The following DGKI variants were observed in gnomAD, a reference collection of about 807,000 sequenced individuals.
The protein encoded by DGKI is diacylglycerol kinase iota.
DGKI carries 55 observed loss-of-function variants against 147.5 expected under a neutral mutation model. That is an observed-to-expected ratio of 0.37 (90% CI 0.30 to 0.47). The LOEUF (loss-of-function observed/expected upper bound fraction) is 0.47. Among genes scored for constraint, DGKI ranks in the 20% least tolerant of loss-of-function variants. DGKI has a pLI of 1.00. For synonymous variants in DGKI, 469 were observed against 477.1 expected (o/e 0.98, Z 0.22); for missense variants, 1,007 against 1,323.8 (o/e 0.76, Z 3.71).
At chr7:137,545,765 C>A in intron 20 of DGKI, 1 of 502,462 alleles carries the variant, frequency 2.0e-6, no homozygotes, top group East Asian at 3.1e-5. Flanking sequence ...TCAAAGAGGG[C>A]AACAGAAAGC....
chr7:137,624,201 C>A (rs773652703), intron 6 of DGKI, among the ~76,000 whole-genome samples: 1 of 152,200 alleles, frequency 6.6e-6, no homozygotes, highest in East Asian at 1.9e-4. Context: ...CCATCCAGAA[C>A]AGAAGAGGTG....
At chr7:137,539,728 A>T (rs1585211267) in intron 20 of DGKI, among the ~76,000 whole-genome samples, 1 of 152,064 alleles carries the variant, frequency 6.6e-6, no homozygotes, top group East Asian at 1.9e-4. Context: ...ACCCAAATCA[A>T]GCAGAAGGAA....
chr7:137,732,198 A>G (rs1301440496), intron 1 of DGKI, among the ~76,000 whole-genome samples: 1 of 152,080 alleles, frequency 6.6e-6, no homozygotes, highest in Non-Finnish European at 1.5e-5. Flanking sequence ...ATATATAGTA[A>G]ATACACATTT....
At chr7:137,782,101 C>T (rs1796536792) in intron 1 of DGKI, among the ~76,000 whole-genome samples, 1 of 152,146 alleles carries the variant, frequency 6.6e-6, no homozygotes, top group Admixed American at 6.5e-5. Context: ...CAGACCCTTT[C>T]AAGTAACGAA....
At chr7:137,554,068 C>A (rs1818139153) in intron 19 of DGKI, among the ~76,000 whole-genome samples, 1 of 152,122 alleles carries the variant, frequency 6.6e-6, no homozygotes, top group African/African-American at 2.4e-5. Context: ...ATATTACAAG[C>A]AGGTAGAGTT....
At chr7:137,699,719 GACA>G (rs1823911969) in intron 1 of DGKI, among the ~76,000 whole-genome samples, 1 of 152,268 alleles carries the variant, frequency 6.6e-6, no homozygotes, top group South Asian at 2.1e-4. Flanking sequence ...CAGTAAAACT[GACA>G]ACAAGAAAAG....
chr7:137,684,525 CG>C (rs1387683502), intron 2 of DGKI, among the ~76,000 whole-genome samples: 2 of 152,068 alleles, frequency 1.3e-5, no homozygotes, highest in Non-Finnish European at 2.9e-5. Flanking sequence ...AAGATTAGAC[CG>C]AGACACTTCT....
At chr7:137,661,954 C>T (rs1822450896) in intron 3 of DGKI, among the ~76,000 whole-genome samples, 1 of 152,170 alleles carries the variant, frequency 6.6e-6, no homozygotes, top group Non-Finnish European at 1.5e-5. Context: ...GCTGTATAAT[C>T]CAAGGTAAAT....
chr7:137,638,480 A>ATATATATACACACATATATATG (rs1563125246), intron 6 of DGKI, among the ~76,000 whole-genome samples: 1 of 121,616 alleles, frequency 8.2e-6, no homozygotes, highest in Non-Finnish European at 1.7e-5. Context: ...ATATGTGTGT[A>ATATATATACACACATATATATG]TATATATACA....
chr7:137,660,002 C>T (rs1409609272), intron 3 of DGKI, among the ~76,000 whole-genome samples: 1 of 152,116 alleles, frequency 6.6e-6, no homozygotes, highest in Non-Finnish European at 1.5e-5. Context: ...GAACCTAGCA[C>T]AAAAACATAA....
In DGKI at chr7:137,728,091, T is replaced by C. The variant is rs73460696; in HGVS notation, c.402-38089A>G. Among the ~76,000 whole-genome samples the C allele has an allele frequency of 8.9e-3, 1,361 of 152,320 alleles. 18 individuals are homozygous for C. Among genetic ancestry groups the C allele is most frequent in the African/African-American group, 0.031 (1,286 of 41,566 alleles). ...TCTAGTGAAAAATGGCAAAAGTTATTCTTGAACATGGTTTTCTGCAGAATG... is the reference window on the plus strand; with the variant it reads ...TCTAGTGAAAAATGGCAAAAGTTATCCTTGAACATGGTTTTCTGCAGAATG... On this transcript the variant is annotated intron_variant, in intron 1 of 32. Coordinates refer to ENST00000614521, the MANE Select transcript of DGKI (RefSeq NM_001321708.2).
chr7:137,798,284 A>C (rs536981009), intron 1 of DGKI, among the ~76,000 whole-genome samples: 1 of 152,352 alleles, frequency 6.6e-6, no homozygotes, highest in Admixed American at 6.5e-5. Context: ...CATACCAATC[A>C]TTCATAAAAT....
chr7:137,670,040 T>C (rs1353985278), intron 3 of DGKI, among the ~76,000 whole-genome samples: 1 of 152,228 alleles, frequency 6.6e-6, no homozygotes, highest in African/African-American at 2.4e-5. Context: ...CTGCATACCT[T>C]ATATGCTTCG....
At chr7:137,477,564 G>T (rs1317219637) in intron 23 of DGKI, among the ~76,000 whole-genome samples, 6 of 152,188 alleles carry the variant, frequency 3.9e-5, no homozygotes, top group Non-Finnish European at 8.8e-5. Flanking sequence ...TTAGCAAGAT[G>T]AATTTCCATG....
At chr7:137,643,898 G>A (rs1250056168) in intron 6 of DGKI, among the ~76,000 whole-genome samples, 1 of 152,140 alleles carries the variant, frequency 6.6e-6, no homozygotes, top group Non-Finnish European at 1.5e-5. Context: ...CTCCAGTGAA[G>A]ATATTTTTCC....
chr7:137,615,082 T>G (rs527590040), intron 8 of DGKI, among the ~76,000 whole-genome samples: 61 of 152,232 alleles, frequency 4.0e-4, no homozygotes, highest in African/African-American at 1.4e-3. Flanking sequence ...TTATACATCT[T>G]AGGTAGCACT....
intron 20 of DGKI, 127 bp downstream of exon 20, chr7:137,552,242 G>A: frequency 1.1e-6 from 1 of 876,786 alleles, no homozygotes; most frequent in Non-Finnish European, 1.8e-6. Flanking sequence ...AGAAACCAAG[G>A]AACTACTGAG....
chr7:137,459,829 T>A (rs1814360957), intron 27 of DGKI, among the ~76,000 whole-genome samples: 1 of 152,124 alleles, frequency 6.6e-6, no homozygotes, highest in East Asian at 1.9e-4. Context: ...GTCATTGATT[T>A]CTCTCATTAT....
At chr7:137,437,985 T>A (rs55832151) in intron 28 of DGKI, among the ~76,000 whole-genome samples, 2 of 152,152 alleles carry the variant, frequency 1.3e-5, no homozygotes, top group South Asian at 4.1e-4. Context: ...TTCTAAAAAT[T>A]TTACAAGACA....
Sources: allele counts gnomAD v4.1 joint callset (sites outside exome capture counted in the v4.1 genomes callset), GRCh38; gene constraint gnomAD v4.1.1; transcripts MANE v1.5; gene names NCBI Gene and HGNC (gene_info 2026-07-23, HGNC 2026-07-21).